CEMIP: variants seen among roughly 807,000 people sequenced by gnomAD.
The protein encoded by CEMIP is cell migration-inducing and hyaluronan-binding protein.
CEMIP carries 105 observed loss-of-function variants against 156.9 expected under a neutral mutation model. The observed-to-expected ratio is 0.67, with a 90% confidence interval of 0.57 to 0.79. The LOEUF (loss-of-function observed/expected upper bound fraction) is 0.79. Ranked by LOEUF, CEMIP falls within the 30% of genes least tolerant of loss-of-function variation. The pLI, the probability that CEMIP is intolerant of heterozygous loss-of-function variation, is 0.00. For synonymous variants in CEMIP, 676 were observed against 668.4 expected (o/e 1.01, Z -0.17); for missense variants, 1,457 against 1,769.4 (o/e 0.82, Z 3.17).
intron 21 of CEMIP, among the ~76,000 whole-genome samples, chr15:80,930,467 G>A (rs2141948053): frequency 6.6e-6 from 1 of 152,306 alleles, no homozygotes; most frequent in Admixed American, 6.5e-5. Flanking sequence ...CTAAGAGCCT[G>A]CAGTCCTAAT....
At chr15:80,901,073 G>A (rs370130461) in intron 12 of CEMIP, 1 of 413,632 alleles carries the variant, frequency 2.4e-6, no homozygotes, top group Non-Finnish European at 4.9e-6. Flanking sequence ...ACCTCACAGT[G>A]TGGCAGTTGG....
At chr15:80,939,587 A>C (rs1322618745) in intron 25 of CEMIP, among the ~76,000 whole-genome samples, 1 of 152,112 alleles carries the variant, frequency 6.6e-6, no homozygotes, top group African/African-American at 2.4e-5. Flanking sequence ...AGTAAGTTGA[A>C]CCTCTTTGAT....
chr15:80,873,702 G>A lies in CEMIP; in HGVS notation c.-17+6G>A, dbSNP rs1898370631. On this transcript the variant is annotated splice_donor_region_variant and intron_variant, in intron 2 of 29. Transcript: ENST00000394685. Reference sequence around the variant, plus strand: ...GGCAGCTGGGGAAGCCACTGGTGAGGACGCTGCACTGGAGTGTGGGCTGGC... The same window carrying A: ...GGCAGCTGGGGAAGCCACTGGTGAGAACGCTGCACTGGAGTGTGGGCTGGC... The A allele has an allele frequency of 4.0e-5, 25 of 621,664 alleles. No individual in the cohort carries two copies. The Admixed American group carries it at 5.0e-4, about 12-fold the overall frequency. 38.5% of individuals were successfully genotyped at this position (621,664 alleles called of 1,614,324 possible).
intron 1 of CEMIP, among the ~76,000 whole-genome samples, chr15:80,854,975 C>T (rs1166144870): frequency 6.6e-6 from 1 of 152,146 alleles, no homozygotes; most frequent in African/African-American, 2.4e-5. Flanking sequence ...AGGATCACTT[C>T]AGTCCAGGAG....
chr15:80,825,684 C>T (rs940395237), intron 1 of CEMIP, among the ~76,000 whole-genome samples: 3 of 152,272 alleles, frequency 2.0e-5, no homozygotes, highest in East Asian at 1.9e-4. Context: ...TGTCCATCAG[C>T]GATTTCACTT....
At chr15:80,797,687 G>A (rs539353534) in intron 1 of CEMIP, among the ~76,000 whole-genome samples, 37 of 152,178 alleles carry the variant, frequency 2.4e-4, no homozygotes, top group Middle Eastern at 6.8e-3. Context: ...GCAGTGACTG[G>A]CAATGGCCTG....
At chr15:80,911,042 A>C (rs1348572373) in intron 14 of CEMIP, among the ~76,000 whole-genome samples, 1 of 152,224 alleles carries the variant, frequency 6.6e-6, no homozygotes, top group African/African-American at 2.4e-5. Context: ...CTTACAAGCC[A>C]TGTGATCTTG....
At chr15:80,920,540 C>A (rs574829174) in intron 15 of CEMIP, among the ~76,000 whole-genome samples, 4 of 152,178 alleles carry the variant, frequency 2.6e-5, no homozygotes, top group Non-Finnish European at 5.9e-5. Flanking sequence ...AAAGAGGATC[C>A]CTGTTCTCAT....
chr15:80,898,639 T>C (rs1899330337), intron 12 of CEMIP, among the ~76,000 whole-genome samples: 2 of 152,312 alleles, frequency 1.3e-5, no homozygotes, highest in South Asian at 4.1e-4. Flanking sequence ...CTTGAAATCC[T>C]GGGCTTAAGC....
At position 80,906,430 on chromosome 15, in the gene CEMIP, A is replaced by G. The variant is rs1899806403; in HGVS notation, c.1412-233A>G. ...AGGAGACAAATATTAGGGGACAATT[A>G]GCCATTTCTGCCAAAGGCTTCAGAC... On this transcript the variant is annotated intron_variant, in intron 12 of 29. Coordinates refer to ENST00000394685, the MANE Select transcript of CEMIP (RefSeq NM_001293298.2). This position sits in a 1 kb window ranked among gnomAD's most constrained non-coding sequence, Gnocchi z 4.3. Among the ~76,000 whole-genome samples the G allele has an allele frequency of 6.6e-6, 1 of 152,262 alleles. No homozygotes were observed. Among genetic ancestry groups the G allele is most frequent in the African/African-American group, 2.4e-5 (1 of 41,466 alleles).
intron 14 of CEMIP, among the ~76,000 whole-genome samples, chr15:80,918,276 CAAAAAGA>C (rs1226441569): frequency 2.0e-5 from 3 of 148,912 alleles, no homozygotes; most frequent in African/African-American, 7.4e-5. Context: ...CCTTGTCTCA[CAAAAAGA>C]AAAAAGAAAA....
chr15:80,841,761 T>C (rs1330160171), intron 1 of CEMIP, among the ~76,000 whole-genome samples: 1 of 152,198 alleles, frequency 6.6e-6, no homozygotes, highest in African/African-American at 2.4e-5. Context: ...ATCAGAGCAG[T>C]TGGCCGTATT....
intron 1 of CEMIP, among the ~76,000 whole-genome samples, chr15:80,869,183 A>G (rs1302272924): frequency 2.6e-5 from 4 of 152,152 alleles, no homozygotes; most frequent in East Asian, 3.9e-4. Context: ...TGAGGACACC[A>G]GTCATATTGG....
chr15:80,911,186 C>A (rs1417045159), intron 14 of CEMIP, among the ~76,000 whole-genome samples: 3 of 152,176 alleles, frequency 2.0e-5, no homozygotes, highest in Non-Finnish European at 4.4e-5. Flanking sequence ...CCACACTTTG[C>A]CCTGGGTGCA....
At chr15:80,779,808 A>C (rs1035240198) in intron 1 of CEMIP, among the ~76,000 whole-genome samples, 194 bp downstream of exon 1, 2 of 152,168 alleles carry the variant, frequency 1.3e-5, no homozygotes, top group Non-Finnish European at 2.9e-5. Flanking sequence ...GTTGATGGGC[A>C]CACGCTCTTG....
intron 12 of CEMIP, among the ~76,000 whole-genome samples, chr15:80,902,883 G>A (rs1199854719): frequency 6.6e-6 from 1 of 152,154 alleles, no homozygotes; most frequent in African/African-American, 2.4e-5. Flanking sequence ...TATGCCAGGG[G>A]CTTAATTTCT....
chr15:80,842,042 G>C (rs1356733500), intron 1 of CEMIP: 5 of 516,260 alleles, frequency 9.7e-6, no homozygotes, highest in Non-Finnish European at 2.0e-5. Flanking sequence ...AACTATGGAT[G>C]AGCTCTCAAT....
At chr15:80,788,555 C>A (rs957666729) in intron 1 of CEMIP, among the ~76,000 whole-genome samples, 2 of 151,930 alleles carry the variant, frequency 1.3e-5, no homozygotes, top group African/African-American at 4.8e-5. Context: ...TTATGACAAG[C>A]CTATTTCAAA....
At chr15:80,821,258 G>A (rs1462955584) in intron 1 of CEMIP, among the ~76,000 whole-genome samples, 1 of 152,188 alleles carries the variant, frequency 6.6e-6, no homozygotes, top group Non-Finnish European at 1.5e-5. Context: ...TTGCATTCAG[G>A]AACCTTAATT....
Sources: gnomAD v4.1 joint callset for allele counts (sites outside exome capture counted in the v4.1 genomes callset) on GRCh38, gnomAD v4.1.1 for gene constraint, Gnocchi (gnomAD v3.1) non-coding constraint, MANE v1.5 for transcripts, NCBI Gene and HGNC (gene_info 2026-07-23, HGNC 2026-07-21) for gene names.